MAN1A1: variants seen among roughly 807,000 people sequenced by gnomAD.
MAN1A1 encodes mannosidase alpha class 1A member 1.
In MAN1A1, 29 loss-of-function variants were observed where a neutral mutation model predicts 70.8. The observed-to-expected ratio is 0.41, with a 90% CI of 0.31 to 0.56. The LOEUF is 0.56. Among genes scored for constraint, MAN1A1 ranks in the 20% least tolerant of loss-of-function variants. The probability of loss-of-function intolerance (pLI) is 0.29; values close to 1 mark genes in which losing one functional copy is unlikely to be tolerated. For missense variants in MAN1A1, 747 were observed against 841.3 expected (o/e 0.89, Z 1.39); for synonymous variants, 349 against 330.1 (o/e 1.06, Z -0.62).
At position 119,187,878 on chromosome 6, in the gene MAN1A1, C is replaced by A. The variant is rs562271926; in HGVS notation, c.1719+527G>T. ...AAGAGGTGACAGACAAAACAACACA[C>A]TGGGCAGATGGAAAGCTTATAGATA... On this transcript the variant is annotated intron_variant, in intron 11 of 12. Transcript: ENST00000368468. Among the ~76,000 whole-genome samples, 6 of 152,302 alleles carry A rather than the reference C, an allele frequency of 3.9e-5. No individual in the cohort carries two copies. The South Asian group carries it at 1.2e-3, about 32-fold the overall frequency.
chr6:119,191,073 T>C (rs189383831), intron 9 of MAN1A1, among the ~76,000 whole-genome samples: 51 of 152,308 alleles, frequency 3.3e-4, no homozygotes, highest in African/African-American at 1.2e-3. Context: ...CTACCTTTAT[T>C]AGAAATAAAC....
chr6:119,276,532 T>C (rs2114388945), intron 5 of MAN1A1, among the ~76,000 whole-genome samples: 1 of 152,316 alleles, frequency 6.6e-6, no homozygotes, highest in African/African-American at 2.4e-5. Flanking sequence ...CAGGGCTCAA[T>C]TCTAAATTAG....
chr6:119,189,740 G>A lies in MAN1A1; in HGVS notation c.1470C>T (p.Pro490=), dbSNP rs745324512. The change falls in exon 10 of 13, where the codon CCC becomes CCT. Residue 490 remains proline (P), a synonymous_variant. Coordinates refer to ENST00000368468, the MANE Select transcript of MAN1A1 (RefSeq NM_005907.4). ...CAAGGTAGTGTTGGGCCATGCCTTC[G>A]GGAGCTGCATCAGCCCCGAGTGCGA... ...GMFALGADAA[P]EGMAQHYLEL... 4.3e-6 allele frequency: 7 copies of A among 1,613,902 alleles called. No individual in the cohort carries two copies. The Admixed American group carries it at 6.7e-5, about 15-fold the overall frequency.
chr6:119,206,942 C>G (rs1582696269), intron 6 of MAN1A1, among the ~76,000 whole-genome samples: 1 of 152,314 alleles, frequency 6.6e-6, no homozygotes, highest in Non-Finnish European at 1.5e-5. Flanking sequence ...GGAAGCCCAG[C>G]CCGCCTTCCA....
chr6:119,275,650 C>T (rs1776041322), intron 5 of MAN1A1, among the ~76,000 whole-genome samples: 1 of 151,890 alleles, frequency 6.6e-6, no homozygotes, highest in East Asian at 1.9e-4. Context: ...CCATGTTGGC[C>T]AGGCTCGTCT....
chr6:119,265,626 GA>G (rs1273116929), intron 5 of MAN1A1, among the ~76,000 whole-genome samples: 1 of 152,078 alleles, frequency 6.6e-6, no homozygotes, highest in Non-Finnish European at 1.5e-5. Context: ...GAAGGCAGGG[GA>G]AAATAAACAT....
intron 5 of MAN1A1, among the ~76,000 whole-genome samples, chr6:119,283,995 C>T (rs1274847618): frequency 6.6e-6 from 1 of 152,124 alleles, no homozygotes; most frequent in Non-Finnish European, 1.5e-5. Context: ...ACTGGCCTGT[C>T]ATTCCAATAA....
intron 2 of MAN1A1, among the ~76,000 whole-genome samples, chr6:119,314,852 A>G (rs1037565422): frequency 6.6e-6 from 1 of 152,034 alleles, no homozygotes; most frequent in Non-Finnish European, 1.5e-5. Flanking sequence ...TTCGGCTCTC[A>G]GCTCCAGCTC....
intron 5 of MAN1A1, among the ~76,000 whole-genome samples, chr6:119,289,555 C>T (rs778012083): frequency 6.6e-6 from 1 of 151,836 alleles, no homozygotes; most frequent in Non-Finnish European, 1.5e-5. Context: ...AGAGGCATAA[C>T]AGACCAGGGG....
At chr6:119,306,745 A>G (rs1582789323) in intron 3 of MAN1A1, 151 bp downstream of exon 3, 2 of 644,712 alleles carry the variant, frequency 3.1e-6, no homozygotes, top group Non-Finnish European at 5.7e-6. Context: ...AGGACACACT[A>G]TGCACAATCC....
intron 11 of MAN1A1, among the ~76,000 whole-genome samples, chr6:119,185,672 G>T (rs1201211577): frequency 1.3e-5 from 2 of 151,742 alleles, no homozygotes; most frequent in Non-Finnish European, 2.9e-5. Flanking sequence ...CGCCTCCTGG[G>T]TTCATGCCAT....
chr6:119,223,792 G>C (rs1774431403), intron 6 of MAN1A1, among the ~76,000 whole-genome samples: 1 of 151,838 alleles, frequency 6.6e-6, no homozygotes, highest in African/African-American at 2.4e-5. Flanking sequence ...CTCTAGTAAT[G>C]GTGAAGAAAA....
intron 9 of MAN1A1, among the ~76,000 whole-genome samples, chr6:119,191,937 A>G (rs1347036439): frequency 6.6e-6 from 1 of 152,182 alleles, no homozygotes; most frequent in Non-Finnish European, 1.5e-5. Context: ...TACTTCTCAA[A>G]ACAGAAATTT....
At position 119,179,916 on chromosome 6, in the gene MAN1A1, T is replaced by C. The variant is rs1192402202; in HGVS notation, c.1865A>G (p.Asp622Gly). 2.5e-6 allele frequency: 4 copies of C among 1,613,552 alleles called. No homozygotes were observed. The highest frequency in any genetic ancestry group is 1.7e-5 in the Admixed American group (1 of 59,982). ...KYLYLIFSDD[D>G]LLPLEHWIFN... is the part of the protein sequence containing the mutation. ...GATCCAATGCTCCAGTGGAAGAAGA[T>C]CGTCGTCAGAAAATATTAGGTACAA... The change falls in exon 13 of 13, where the codon GAT (aspartate) becomes GGT (glycine). Residue 622 changes from aspartate to glycine, a missense_variant. Asp to Gly is a moderately conservative substitution (Grantham distance 94, BLOSUM62 -1). Coordinates refer to ENST00000368468, the MANE Select transcript of MAN1A1 (RefSeq NM_005907.4).
intron 2 of MAN1A1, among the ~76,000 whole-genome samples, chr6:119,345,117 G>A (rs956856456): frequency 4.7e-5 from 7 of 147,922 alleles, no homozygotes; most frequent in African/African-American, 1.7e-4. Context: ...GAAAAAAAAA[G>A]TCATCCTCCA....
intron 5 of MAN1A1, among the ~76,000 whole-genome samples, chr6:119,273,383 A>G (rs1775976934): frequency 6.6e-6 from 1 of 152,158 alleles, no homozygotes. Context: ...ATCATACATG[A>G]AAGTATCCTG....
intron 2 of MAN1A1, 63 bp downstream of exon 2, chr6:119,348,400 G>C: frequency 1.4e-6 from 2 of 1,441,512 alleles, no homozygotes; most frequent in Non-Finnish European, 1.9e-6. Flanking sequence ...AGTTTCAAAG[G>C]CTTGCCGTTT....
intron 2 of MAN1A1, among the ~76,000 whole-genome samples, chr6:119,335,909 A>G (rs1413561468): frequency 6.6e-6 from 1 of 152,202 alleles, no homozygotes; most frequent in Non-Finnish European, 1.5e-5. Context: ...GCCAAGCTAA[A>G]CATTTGTGAC....
At chr6:119,233,237 C>T (rs932050452) in intron 6 of MAN1A1, among the ~76,000 whole-genome samples, 7 of 152,116 alleles carry the variant, frequency 4.6e-5, no homozygotes, top group African/African-American at 7.2e-5. Flanking sequence ...ACTTTCCAAG[C>T]GATTTCACAT....
Sources: allele counts gnomAD v4.1 joint callset (sites outside exome capture counted in the v4.1 genomes callset), GRCh38; gene constraint gnomAD v4.1.1; transcripts MANE v1.5; gene names NCBI Gene and HGNC (gene_info 2026-07-23, HGNC 2026-07-21).